The following FAM180A variants were observed in gnomAD, a reference collection of about 807,000 sequenced individuals.
FAM180A encodes family with sequence similarity 180 member A, also known as protein FAM180A.
FAM180A carries 14 observed loss-of-function variants against 15.3 expected under a neutral mutation model. That is an observed-to-expected ratio of 0.92 (90% CI 0.61 to 1.43). The LOEUF is 1.43. FAM180A is among the 40% of genes most tolerant of loss of function. FAM180A has a pLI of 0.00. For missense variants in FAM180A, 200 were observed against 220.8 expected, an observed-to-expected ratio of 0.91 and a Z score of 0.60; for synonymous variants, 90 against 96.8, an observed-to-expected ratio of 0.93 and a Z score of 0.41.
intron 1 of FAM180A, among the ~76,000 whole-genome samples, chr7:135,746,255 CCT>C (rs1797031154): frequency 6.6e-6 from 1 of 152,118 alleles, no homozygotes; most frequent in Non-Finnish European, 1.5e-5. Context: ...TGTAGATTCC[CCT>C]GTTAAGAGCC....
Position 135,748,654 on chromosome 7 carries a change from G to T in FAM180A, c.-74C>A. The T allele has an allele frequency of 2.7e-6, 3 of 1,120,972 alleles. No individual in the cohort carries two copies. The highest frequency in any genetic ancestry group is 2.7e-6 in the Non-Finnish European group (2 of 733,526). 69.4% of individuals were successfully genotyped at this position (1,120,972 alleles called of 1,614,324 possible). A position where few individuals can be genotyped will look rare whatever the true frequency, so the allele number is the denominator to read the frequency against. On this transcript the variant is annotated 5_prime_UTR_variant, in exon 1 of 4. Coordinates refer to ENST00000338588, the MANE Select transcript of FAM180A (RefSeq NM_205855.4). ...CAGTAGCTGCAGGTATGCCCGTGCC[G>T]TTCTTCCCAGTGAGATGATGGAGTG...
Position 135,729,663 on chromosome 7 carries a change from C to A in FAM180A, c.*948G>T. Reference sequence around the variant, plus strand: ...AATATTTGTTAAATAAAAATAGGTACAGCAAGTGTACAATAAGACCAGTAG... The same window carrying A: ...AATATTTGTTAAATAAAAATAGGTAAAGCAAGTGTACAATAAGACCAGTAG... On this transcript the variant is annotated 3_prime_UTR_variant, in exon 4 of 4. Coordinates refer to ENST00000338588, the MANE Select transcript of FAM180A (RefSeq NM_205855.4). 1.0e-6 allele frequency: 1 copy of A among 982,594 alleles called. No homozygotes were observed. Among genetic ancestry groups the A allele is most frequent in the Non-Finnish European group, 1.2e-6 (1 of 827,414 alleles). The allele number at this position is 982,594 out of a possible 1,614,324, so 60.9% of individuals were successfully genotyped here.
At chr7:135,743,891 C>T (rs989736570) in intron 1 of FAM180A, among the ~76,000 whole-genome samples, 41 of 152,122 alleles carry the variant, frequency 2.7e-4, no homozygotes, top group Non-Finnish European at 4.7e-4. Flanking sequence ...AAATAGAGTG[C>T]CTACAAAATC....
chr7:135,738,406 C>T (rs1221905852), intron 1 of FAM180A, among the ~76,000 whole-genome samples: 1 of 152,164 alleles, frequency 6.6e-6, no homozygotes, highest in African/African-American at 2.4e-5. Context: ...GTTGGCCAGG[C>T]TGGTCTTGAA....
At chr7:135,732,600 G>A (rs1796799311) in intron 3 of FAM180A, among the ~76,000 whole-genome samples, 1 of 151,970 alleles carries the variant, frequency 6.6e-6, no homozygotes, top group Non-Finnish European at 1.5e-5. Context: ...GGCTGAAGCA[G>A]GAGAATCGCT....
intron 1 of FAM180A, among the ~76,000 whole-genome samples, chr7:135,745,560 T>G (rs1179496825): frequency 1.3e-5 from 2 of 151,976 alleles, no homozygotes; most frequent in Non-Finnish European, 2.9e-5. Flanking sequence ...AGTCATTTGG[T>G]CTTCATCAAA....
chr7:135,744,039 A>G (rs1196465770), intron 1 of FAM180A, among the ~76,000 whole-genome samples: 2 of 152,106 alleles, frequency 1.3e-5, no homozygotes, highest in Non-Finnish European at 2.9e-5. Flanking sequence ...GGCCTGGACG[A>G]AGCTAGTTTT....
At chr7:135,739,538 G>C (rs1249801528) in intron 1 of FAM180A, among the ~76,000 whole-genome samples, 1 of 151,926 alleles carries the variant, frequency 6.6e-6, no homozygotes, top group Admixed American at 6.6e-5. Flanking sequence ...CGTGAACCTG[G>C]GAGGCGGAGC....
chr7:135,731,539 AAAAG>A (rs201311916), intron 3 of FAM180A, among the ~76,000 whole-genome samples: 3,835 of 152,222 alleles, frequency 0.025, 75 homozygotes, highest in Middle Eastern at 0.048. Context: ...CAACTAAAAT[AAAAG>A]AAAGAAAGAC....
At chr7:135,740,964 C>A (rs200213722) in intron 1 of FAM180A, among the ~76,000 whole-genome samples, 5,912 of 16,990 alleles carry the variant, frequency 0.35, 411 homozygotes, top group African/African-American at 0.48. Flanking sequence ...AAAAACAAAA[C>A]AAAACAAAAC....
Position 135,748,623 on chromosome 7 carries a change from G to A in FAM180A, c.-43C>T, listed in dbSNP as rs544189027. On this transcript the variant is annotated 5_prime_UTR_variant, in exon 1 of 4. Transcript: ENST00000338588. ...GAAAAATCGACCCTCAAGCCCAGTG[G>A]AACCCCAGTAGCTGCAGGTATGCCC... is the stretch of plus-strand genomic sequence containing the variant. 2.6e-5 allele frequency: 38 copies of A among 1,475,014 alleles called. No individual in the cohort carries two copies. The East Asian group carries it at 8.1e-4, about 32-fold the overall frequency. 91.4% of individuals were successfully genotyped at this position (1,475,014 alleles called of 1,614,324 possible).
chr7:135,733,707 G>A lies in FAM180A; in HGVS notation c.*268C>T, dbSNP rs1563178156. On this transcript the variant is annotated 3_prime_UTR_variant, in exon 3 of 4. Transcript: ENST00000338588. Reference sequence around the variant, plus strand: ...GTTGAAGCATATCAGAATTCTGCCTGCCATAGGCAAACCATTCTGCCCATG... The same window carrying A: ...GTTGAAGCATATCAGAATTCTGCCTACCATAGGCAAACCATTCTGCCCATG... The A allele has an allele frequency of 1.6e-6, 2 of 1,267,164 alleles. No homozygotes were observed. The highest frequency in any genetic ancestry group is 3.0e-5 in the African/African-American group (2 of 65,730). The allele number at this position is 1,267,164 out of a possible 1,614,324, so 78.5% of individuals were successfully genotyped here. A position where few individuals can be genotyped will look rare whatever the true frequency, so the allele number is the denominator to read the frequency against.
chr7:135,737,189 G>T lies in FAM180A; in HGVS notation c.87C>A (p.Phe29Leu). Residue 29 changes from phenylalanine (F) to leucine (L), a missense_variant, in exon 2 of 4, where the codon TTC (phenylalanine) becomes TTA (leucine). Transcript: ENST00000338588. Reference protein sequence around the residue: ...MCHRWSRAVLFPAAHRPKRSS... With the variant: ...MCHRWSRAVLLPAAHRPKRSS... ...ACCTCTTTGGCCGGTGGGCGGCAGG[G>T]AAGAGCACAGCTGAAAGAAAGAAAA... 2 of 1,601,758 alleles carry T rather than the reference G, an allele frequency of 1.2e-6. No individual in the cohort carries two copies. The highest frequency in any genetic ancestry group is 1.7e-6 in the Non-Finnish European group (2 of 1,175,584).
At chr7:135,745,879 G>C (rs1447306326) in intron 1 of FAM180A, among the ~76,000 whole-genome samples, 1 of 151,560 alleles carries the variant, frequency 6.6e-6, no homozygotes, top group Non-Finnish European at 1.5e-5. Flanking sequence ...TGGAGGTAGG[G>C]TGGGGGTAAG....
rs1307496993 is a variant in FAM180A, at chr7:135,733,835, C to T, written c.*140G>A. 32 of 1,402,222 alleles carry T rather than the reference C, an allele frequency of 2.3e-5. No homozygotes were observed. In the East Asian group the frequency reaches 5.2e-4, roughly 23 times the overall value. 86.9% of individuals were successfully genotyped at this position (1,402,222 alleles called of 1,614,324 possible). ...GGAAACTACAAGGAGAAAAGAGCAT[C>T]GGGGTTACTGTTTGATCTCTGCTGC... On this transcript the variant is annotated 3_prime_UTR_variant, in exon 3 of 4. Coordinates refer to ENST00000338588, the MANE Select transcript of FAM180A (RefSeq NM_205855.4).
rs80305552 is a variant in FAM180A at position 135,747,250 on chromosome 7, C to T, written c.76+1255G>A. ...CCTGTATCAAAACATCTCATAGGCC[C>T]CATAAATATGTATACCTACTATGTG... is the stretch of plus-strand genomic sequence containing the variant. On this transcript the variant is annotated intron_variant, in intron 1 of 3. Transcript: ENST00000338588. Among the ~76,000 whole-genome samples, 604 of 151,724 alleles carry T rather than the reference C, an allele frequency of 4.0e-3. 3 individuals carry two copies. The highest frequency in any genetic ancestry group is 0.014 in the African/African-American group (572 of 41,344).
At chr7:135,748,339 C>T (rs1030125537) in intron 1 of FAM180A, among the ~76,000 whole-genome samples, 166 bp downstream of exon 1, 1 of 152,186 alleles carries the variant, frequency 6.6e-6, no homozygotes, top group East Asian at 1.9e-4. Context: ...GTCATTTCCC[C>T]ATCACCCTCT....
intron 1 of FAM180A, among the ~76,000 whole-genome samples, chr7:135,738,483 C>T (rs140764069): frequency 1.1e-4 from 17 of 152,240 alleles, no homozygotes; most frequent in South Asian, 1.0e-3. Context: ...CATGAGCTAC[C>T]GAGCCCAGCC....
At chr7:135,740,278 A>G (rs1796926926) in intron 1 of FAM180A, among the ~76,000 whole-genome samples, 2 of 152,210 alleles carry the variant, frequency 1.3e-5, no homozygotes, top group South Asian at 4.1e-4. Context: ...CCAGAGGGCA[A>G]TGAACACATT....
Sources: gnomAD v4.1 joint callset for allele counts (sites outside exome capture counted in the v4.1 genomes callset) on GRCh38, gnomAD v4.1.1 for gene constraint, MANE v1.5 for transcripts, NCBI Gene and HGNC (gene_info 2026-07-23, HGNC 2026-07-21) for gene names.